PKNOX2: variants seen among roughly 807,000 people sequenced by gnomAD.
PKNOX2 encodes the protein PBX/knotted 1 homeobox 2, also known as homeobox protein PKNOX2.
PKNOX2 carries 14 observed loss-of-function variants against 53.1 expected under a neutral mutation model. That is an observed-to-expected ratio of 0.26 (90% CI 0.17 to 0.41). The LOEUF is 0.41. PKNOX2 is among the 10% of genes least tolerant of loss of function. The pLI is 1.00. For synonymous variants in PKNOX2, 257 were observed against 242.8 expected, an observed-to-expected ratio of 1.06 and a Z score of -0.54; for missense variants, 496 against 602.8, an observed-to-expected ratio of 0.82 and a Z score of 1.85.
chr11:125,299,920 C>T (rs1300252275), intron 2 of PKNOX2, among the ~76,000 whole-genome samples: 2 of 152,236 alleles, frequency 1.3e-5, no homozygotes, highest in African/African-American at 4.8e-5. Flanking sequence ...TTCTGAGACA[C>T]CCTGTCTGCT....
chr11:125,388,310 AG>A (rs2075706964), intron 6 of PKNOX2, among the ~76,000 whole-genome samples: 1 of 152,130 alleles, frequency 6.6e-6, no homozygotes, highest in Non-Finnish European at 1.5e-5. Flanking sequence ...TCAGCTGCCA[AG>A]TGCCACAGCC....
Position 125,189,441 on chromosome 11 carries a change from GTGTGTGTATATATA to G in PKNOX2, c.-201+24667_-201+24680del, listed in dbSNP as rs1304767389. On this transcript the variant is annotated intron_variant, in intron 1 of 12. Coordinates refer to ENST00000298282, the MANE Select transcript of PKNOX2 (RefSeq NM_001382323.2). ...TGTGTGTGTGTGTGTGTGTGTGTGT[GTGTGTGTATATATA>G]TATATATATATATATATATATATAT... Among the ~76,000 whole-genome samples the G allele has an allele frequency of 1.2e-3, 68 of 57,930 alleles. 1 individual carries two copies. Among genetic ancestry groups the G allele is most frequent in the African/African-American group, 2.7e-3 (34 of 12,680 alleles). The allele number at this position is 57,930 out of a possible 152,430, so 38.0% of individuals were successfully genotyped here.
rs954292058 is a variant in PKNOX2 at position 125,224,423 on chromosome 11, G to A, written c.-200-10622G>A. 2.0e-5 allele frequency among the ~76,000 whole-genome samples: 3 copies of A among 152,256 alleles called. No individual in the cohort carries two copies. The South Asian group carries it at 6.2e-4, about 31-fold the overall frequency. On this transcript the variant is annotated intron_variant, in intron 1 of 12. Coordinates refer to ENST00000298282, the MANE Select transcript of PKNOX2 (RefSeq NM_001382323.2). ...GGAGGAGCCATGCGCAGGTGAGGCA[G>A]GCAGATGGCCGTGCAGTCAGGGTGA...
intron 3 of PKNOX2, among the ~76,000 whole-genome samples, chr11:125,341,359 CAA>C (rs375652054): frequency 5.8e-5 from 6 of 102,976 alleles, no homozygotes; most frequent in Non-Finnish European, 2.1e-5. Flanking sequence ...GATTCCGTCT[CAA>C]AAAAAAAAAA....
intron 2 of PKNOX2, among the ~76,000 whole-genome samples, chr11:125,301,254 A>C (rs895211674): frequency 6.6e-6 from 1 of 152,078 alleles, no homozygotes; most frequent in African/African-American, 2.4e-5. Flanking sequence ...GACAGAAACT[A>C]TCTGGGCCCA....
At chr11:125,398,934 A>C (rs1357092189) in intron 7 of PKNOX2, among the ~76,000 whole-genome samples, 9 of 152,338 alleles carry the variant, frequency 5.9e-5, no homozygotes, top group Admixed American at 5.2e-4. Flanking sequence ...TAAACTTTCT[A>C]GGAGTGAGTG....
intron 1 of PKNOX2, among the ~76,000 whole-genome samples, chr11:125,212,263 A>G (rs1939928773): frequency 6.6e-6 from 1 of 151,948 alleles, no homozygotes; most frequent in African/African-American, 2.4e-5. Context: ...GTGCTGAACG[A>G]GGTAGAGGGG....
intron 12 of PKNOX2, among the ~76,000 whole-genome samples, chr11:125,430,950 C>T (rs1379938251): frequency 6.6e-6 from 1 of 152,194 alleles, no homozygotes; most frequent in Non-Finnish European, 1.5e-5. Context: ...TGAACGGTGG[C>T]TGGGAGTGCT....
intron 1 of PKNOX2, among the ~76,000 whole-genome samples, chr11:125,228,655 C>T (rs1184177019): frequency 6.6e-6 from 1 of 152,178 alleles, no homozygotes; most frequent in Non-Finnish European, 1.5e-5. Context: ...ATGTGGCCTG[C>T]TTTGCAAGTG....
At chr11:125,286,419 C>T (rs777497251) in intron 2 of PKNOX2, among the ~76,000 whole-genome samples, 1 of 152,232 alleles carries the variant, frequency 6.6e-6, no homozygotes, top group Non-Finnish European at 1.5e-5. Flanking sequence ...ACTTCTTCTC[C>T]AACAAAGTGA....
intron 4 of PKNOX2, among the ~76,000 whole-genome samples, chr11:125,363,271 T>C (rs1302784212): frequency 1.3e-5 from 2 of 152,232 alleles, no homozygotes; most frequent in East Asian, 3.8e-4. Context: ...TCACATCTCA[T>C]AGGGGCCTCC....
Position 125,428,652 on chromosome 11 carries a change from A to G in PKNOX2, c.937-360A>G, listed in dbSNP as rs28689868. Among the ~76,000 whole-genome samples the G allele has an allele frequency of 3.9e-3, 594 of 152,150 alleles. 1 individual carries two copies. The highest frequency in any genetic ancestry group is 7.1e-3 in the Non-Finnish European group (481 of 67,982). On this transcript the variant is annotated intron_variant, in intron 10 of 12. Transcript: ENST00000298282. ...GCGTTTGAGGCCATTGGAAACCCTAACACTGACAATGCCTGCCCTGCCTGC... is the reference window on the plus strand; with the variant it reads ...GCGTTTGAGGCCATTGGAAACCCTAGCACTGACAATGCCTGCCCTGCCTGC...
At chr11:125,417,073 T>G (rs1374434975) in intron 10 of PKNOX2, among the ~76,000 whole-genome samples, 1 of 152,030 alleles carries the variant, frequency 6.6e-6, no homozygotes, top group Non-Finnish European at 1.5e-5. Context: ...TGCATTTGGC[T>G]GAAAGAGGCC....
chr11:125,367,943 A>AC lies in PKNOX2; in HGVS notation c.190dup (p.Gln64ProfsTer7). ...ACACCTGTGCCCAGTGCCCCCATCGACCCCCAGGCCCAGCTGGAGGCTGAC... is the reference window on the plus strand; with the variant it reads ...ACACCTGTGCCCAGTGCCCCCATCGACCCCCCAGGCCCAGCTGGAGGCTGAC... On this transcript the variant is annotated frameshift_variant, in exon 5 of 13. Transcript: ENST00000298282. LOFTEE classifies it high-confidence loss of function. The AC allele has an allele frequency of 6.2e-7, 1 of 1,612,208 alleles. No individual in the cohort carries two copies. Among genetic ancestry groups the AC allele is most frequent in the East Asian group, 2.2e-5 (1 of 44,730 alleles).
chr11:125,171,494 C>T (rs1403888320), intron 1 of PKNOX2, among the ~76,000 whole-genome samples: 2 of 152,312 alleles, frequency 1.3e-5, no homozygotes, highest in African/African-American at 4.8e-5. Flanking sequence ...TTAACATCTT[C>T]GATCCAGTTA....
intron 3 of PKNOX2, among the ~76,000 whole-genome samples, chr11:125,349,540 G>A (rs759474828): frequency 5.9e-5 from 9 of 152,090 alleles, no homozygotes; most frequent in Non-Finnish European, 1.0e-4. Context: ...GCCTGAAGTC[G>A]GCATTTTTAG....
At chr11:125,404,871 A>G (rs1295307486) in intron 7 of PKNOX2, among the ~76,000 whole-genome samples, 1 of 152,226 alleles carries the variant, frequency 6.6e-6, no homozygotes, top group African/African-American at 2.4e-5. Context: ...GAGGCTTTGA[A>G]GAGTCCAGAG....
chr11:125,172,470 T>C (rs1270928306), intron 1 of PKNOX2, among the ~76,000 whole-genome samples: 1 of 152,062 alleles, frequency 6.6e-6, no homozygotes, highest in Non-Finnish European at 1.5e-5. Context: ...TCAGGAACCA[T>C]GAAGCTGATT....
intron 4 of PKNOX2, among the ~76,000 whole-genome samples, chr11:125,357,360 T>C (rs957012109): frequency 1.3e-5 from 2 of 152,168 alleles, no homozygotes; most frequent in African/African-American, 4.8e-5. Context: ...TAGGAGATGG[T>C]GGGCTGTCAG....
Sources: gnomAD v4.1 joint callset for allele counts (sites outside exome capture counted in the v4.1 genomes callset) on GRCh38, gnomAD v4.1.1 for gene constraint, MANE v1.5 for transcripts, NCBI Gene and HGNC (gene_info 2026-07-23, HGNC 2026-07-21) for gene names.